Variants in SLC44A5 observed in about 807,000 individuals in gnomAD.
The protein encoded by SLC44A5 is solute carrier family 44 member 5.
SLC44A5 carries 57 observed loss-of-function variants against 101.8 expected under a neutral mutation model. The ratio of observed to expected loss-of-function variants is 0.56; its 90% CI spans 0.45 to 0.70. The LOEUF (loss-of-function observed/expected upper bound fraction) is 0.70, where lower values mean the gene tolerates loss of function less well. Among genes scored for constraint, SLC44A5 ranks in the 30% least tolerant of loss-of-function variants. The pLI is 0.00. For missense variants in SLC44A5, 737 were observed against 853.1 expected (o/e 0.86, Z 1.70); for synonymous variants, 281 against 290.9 (o/e 0.97, Z 0.35).
chr1:75,445,677 C>T (rs1665532593), intron 2 of SLC44A5, among the ~76,000 whole-genome samples: 1 of 150,904 alleles, frequency 6.6e-6, no homozygotes. Context: ...AGCTCACCTA[C>T]TCCCAGGGCT....
intron 2 of SLC44A5, among the ~76,000 whole-genome samples, chr1:75,408,529 T>TA (rs759938114): frequency 1.1e-4 from 16 of 152,110 alleles, no homozygotes; most frequent in Non-Finnish European, 1.5e-4. Flanking sequence ...AATGCAGCCA[T>TA]AAAAAAGAAT....
chr1:75,703,254 C>T, the SLC44A5 span, among the ~76,000 whole-genome samples: 1 of 151,756 alleles, frequency 6.6e-6, no homozygotes, highest in East Asian at 1.9e-4. Context: ...AGACTTGGAA[C>T]CAACCCAAAT....
At chr1:75,289,452 G>T (rs1653351351) in intron 5 of SLC44A5, among the ~76,000 whole-genome samples, 1 of 151,978 alleles carries the variant, frequency 6.6e-6, no homozygotes. Context: ...ATGTTTAAAG[G>T]GTACTATTTG....
At chr1:75,591,218 C>T (rs981844001) in intron 1 of SLC44A5, among the ~76,000 whole-genome samples, 17 of 152,276 alleles carry the variant, frequency 1.1e-4, no homozygotes, top group Non-Finnish European at 1.3e-4. Context: ...TACTGGCCTT[C>T]GGGTGCCCCC....
intron 7 of SLC44A5, among the ~76,000 whole-genome samples, chr1:75,250,877 GT>G (rs1207160627): frequency 6.6e-6 from 1 of 152,100 alleles, no homozygotes; most frequent in Non-Finnish European, 1.5e-5. Context: ...TGGTTTGTTA[GT>G]TATAGTAGCT....
At chr1:75,251,438 G>A in intron 6 of SLC44A5, 144 bp from the exon 7 acceptor site, 1 of 603,426 alleles carries the variant, frequency 1.7e-6, no homozygotes, top group Non-Finnish European at 2.9e-6. Context: ...TCTCCCTTAG[G>A]TACCTAACCT....
At chr1:75,543,642 TATATATACACATATATACACAC>T (rs1183629917) in intron 1 of SLC44A5, among the ~76,000 whole-genome samples, 1 of 142,290 alleles carries the variant, frequency 7.0e-6, no homozygotes, top group Admixed American at 7.4e-5. Context: ...TATATACACA[TATATATACACATATATACACAC>T]ATATATACAC....
chr1:75,500,216 C>T (rs1245683368), intron 2 of SLC44A5, among the ~76,000 whole-genome samples: 2 of 152,154 alleles, frequency 1.3e-5, no homozygotes, highest in Non-Finnish European at 2.9e-5. Flanking sequence ...TTAATAAGAG[C>T]AACTATTCTA....
intron 1 of SLC44A5, among the ~76,000 whole-genome samples, chr1:75,574,366 C>T (rs1314102455): frequency 6.6e-6 from 1 of 152,118 alleles, no homozygotes; most frequent in Non-Finnish European, 1.5e-5. Context: ...GCAAGAATGA[C>T]CTAATAGCAA....
At chr1:75,417,658 C>T (rs777408106) in intron 2 of SLC44A5, among the ~76,000 whole-genome samples, 3 of 152,168 alleles carry the variant, frequency 2.0e-5, no homozygotes, top group South Asian at 2.1e-4. Context: ...GTCATGTTGA[C>T]GTTGGATACA....
chr1:75,400,208 A>C (rs1662388571), intron 2 of SLC44A5, among the ~76,000 whole-genome samples: 1 of 152,188 alleles, frequency 6.6e-6, no homozygotes, highest in African/African-American at 2.4e-5. Context: ...ATGGGGATAC[A>C]AGGGTTGACA....
At chr1:75,318,370 TGAAA>T (rs5775281) in intron 4 of SLC44A5, among the ~76,000 whole-genome samples, 32,974 of 129,922 alleles carry the variant, frequency 0.25, 4,233 homozygotes, top group East Asian at 0.3. Context: ...TCCCATCTCT[TGAAA>T]GAAAGAAAGA....
At chr1:75,602,849 T>C (rs968426031) in intron 1 of SLC44A5, among the ~76,000 whole-genome samples, 2 of 152,144 alleles carry the variant, frequency 1.3e-5, no homozygotes, top group Non-Finnish European at 1.5e-5. Flanking sequence ...TTTAAACTTG[T>C]ACGTACAAAT....
intron 2 of SLC44A5, among the ~76,000 whole-genome samples, chr1:75,451,065 C>A (rs967051888): frequency 3.9e-5 from 6 of 152,188 alleles, no homozygotes; most frequent in Admixed American, 1.3e-4. Flanking sequence ...GGTTTCCCAG[C>A]TGCATGCTTA....
At chr1:75,593,540 G>A (rs1179291623) in intron 1 of SLC44A5, among the ~76,000 whole-genome samples, 1 of 152,074 alleles carries the variant, frequency 6.6e-6, no homozygotes, top group Non-Finnish European at 1.5e-5. Context: ...GCACTCTTAT[G>A]TTTGTTGCAG....
intron 5 of SLC44A5, among the ~76,000 whole-genome samples, chr1:75,286,290 T>C (rs1653038771): frequency 6.6e-6 from 1 of 152,160 alleles, no homozygotes; most frequent in African/African-American, 2.4e-5. Flanking sequence ...GAATAGCTAC[T>C]CTTGCTTGAT....
chr1:75,713,146 C>T, the SLC44A5 span, among the ~76,000 whole-genome samples: 1 of 152,174 alleles, frequency 6.6e-6, no homozygotes. Context: ...GAACCTATTA[C>T]CTCTGTATTT....
chr1:75,616,762 C>A, the SLC44A5 span, among the ~76,000 whole-genome samples: 1 of 152,210 alleles, frequency 6.6e-6, no homozygotes, highest in African/African-American at 2.4e-5. Context: ...CGGGCAGACA[C>A]CTGCAAGAAT....
intron 4 of SLC44A5, among the ~76,000 whole-genome samples, chr1:75,336,385 C>T (rs1391847529): frequency 6.6e-6 from 1 of 152,112 alleles, no homozygotes; most frequent in East Asian, 1.9e-4. Flanking sequence ...AACTTCTGGC[C>T]TCAACTGATC....
Sources: allele counts gnomAD v4.1 joint callset (sites outside exome capture counted in the v4.1 genomes callset), GRCh38; gene constraint gnomAD v4.1.1; transcripts MANE v1.5; gene names NCBI Gene and HGNC (gene_info 2026-07-23, HGNC 2026-07-21).